Variants in RD3 observed in about 807,000 individuals in gnomAD.
The protein encoded by RD3 is RD3 regulator of GUCY2D.
A neutral mutation model predicts 16.9 loss-of-function variants in RD3; 11 were observed. The observed-to-expected ratio is 0.65, with a 90% CI of 0.41 to 1.08. The LOEUF is 1.08. Among genes scored for constraint, RD3 ranks in the 50% least tolerant of loss-of-function variants. RD3 has a pLI of 0.00. For synonymous variants in RD3, 116 were observed against 114.8 expected, an observed-to-expected ratio of 1.01 and a Z score of -0.07; for missense variants, 274 against 267.4, an observed-to-expected ratio of 1.02 and a Z score of -0.17.
chr1:211,480,400 T>G (rs1383069842), intron 2 of RD3, among the ~76,000 whole-genome samples: 1 of 152,180 alleles, frequency 6.6e-6, no homozygotes, highest in African/African-American at 2.4e-5. Flanking sequence ...GGGAAGATTT[T>G]GGGAGACTAA....
In RD3 at chr1:211,478,196, C is replaced by A. The variant is rs1705182501; in HGVS notation, c.*840G>T. ...AGAAGCTGTTAGGGACTGGCCACAG[C>A]CCATGCGATGACATTGTGGCGTGGG... On this transcript the variant is annotated 3_prime_UTR_variant, in exon 3 of 3. Coordinates refer to ENST00000680073, the MANE Select transcript of RD3 (RefSeq NM_001164688.2). 4 of 398,518 alleles carry A rather than the reference C, an allele frequency of 1.0e-5. No individual in the cohort carries two copies. The highest frequency in any genetic ancestry group is 1.8e-5 in the Non-Finnish European group (4 of 226,092). The allele number at this position is 398,518 out of a possible 1,614,324, so 24.7% of individuals were successfully genotyped here.
At chr1:211,489,430 T>C (rs954749511) in intron 1 of RD3, among the ~76,000 whole-genome samples, 4 of 152,090 alleles carry the variant, frequency 2.6e-5, no homozygotes, top group African/African-American at 9.7e-5. Context: ...CAAAATGCTT[T>C]AAAGTTGTTA....
rs34485370 is a variant in RD3 at position 211,492,048 on chromosome 1, GGTGTGTGTGTGTGTGTGTGTGT to G, written c.-314_-293del. 7.3e-6 allele frequency: 1 copy of G among 137,868 alleles called. No homozygotes were observed. Among genetic ancestry groups the G allele is most frequent in the African/African-American group, 2.7e-5 (1 of 37,000 alleles). 8.5% of individuals were successfully genotyped at this position (137,868 alleles called of 1,614,324 possible). On this transcript the variant is annotated 5_prime_UTR_variant, in exon 1 of 3. The change creates a premature stop within an existing upstream ORF in the 5' untranslated region. Coordinates refer to ENST00000680073, the MANE Select transcript of RD3 (RefSeq NM_001164688.2). ...TGGACTATTGTTTGTGGGGTGTGTA[GGTGTGTGTGTGTGTGTGTGTGT>G]GTGTGTGTGTGTGTGTGTGTGTATG...
At position 211,481,256 on chromosome 1, in the gene RD3, C is replaced by A. The variant is rs752946135; in HGVS notation, c.160G>T (p.Val54Phe). The A allele has an allele frequency of 3.9e-5, 63 of 1,614,148 alleles. No homozygotes were observed. The highest frequency in any genetic ancestry group is 5.1e-5 in the Non-Finnish European group (60 of 1,180,064). Residue 54 changes from valine (V) to phenylalanine (F), a missense_variant, in exon 2 of 3, where the codon GTC becomes TTC. Physicochemically the swap from Val to Phe is conservative, Grantham distance 50. Coordinates refer to ENST00000680073, the MANE Select transcript of RD3 (RefSeq NM_001164688.2). ...CAGCTGTAGTCCACACCGGTGCAGACCTTTCTGACCGCATTGCTGCGCTCC... is the reference window on the plus strand; with the variant it reads ...CAGCTGTAGTCCACACCGGTGCAGAACTTTCTGACCGCATTGCTGCGCTCC... Reference protein sequence around the residue: ...QRERSNAVRKVCTGVDYSWLA... With the variant: ...QRERSNAVRKFCTGVDYSWLA...
intron 1 of RD3, among the ~76,000 whole-genome samples, chr1:211,488,584 G>T (rs1032197198): frequency 4.6e-5 from 7 of 151,004 alleles, no homozygotes; most frequent in Non-Finnish European, 8.8e-5. Flanking sequence ...GCTCTATAGA[G>T]AGGAGACAGA....
chr1:211,486,031 C>T (rs1351195467), intron 1 of RD3, among the ~76,000 whole-genome samples: 2 of 151,406 alleles, frequency 1.3e-5, no homozygotes. Flanking sequence ...GTTCCAACTA[C>T]TCAGGAGGCT....
Position 211,478,952 on chromosome 1 carries a change from A to C in RD3, c.*84T>G. 1 of 1,221,080 alleles carries C rather than the reference A, an allele frequency of 8.2e-7. No homozygotes were observed. Among genetic ancestry groups the C allele is most frequent in the Non-Finnish European group, 1.1e-6 (1 of 926,198 alleles). The allele number at this position is 1,221,080 out of a possible 1,614,324, so 75.6% of individuals were successfully genotyped here. On this transcript the variant is annotated 3_prime_UTR_variant, in exon 3 of 3. Coordinates refer to ENST00000680073, the MANE Select transcript of RD3 (RefSeq NM_001164688.2). The stretch of plus-strand genomic sequence containing the variant: ...GTCTCCTCGTCAGGCCTAGGTGGGG[A>C]GGTTCCAGGGCCCGGCGCTCCGGTC...
At chr1:211,491,556 G>T (rs1168553125) in intron 1 of RD3, among the ~76,000 whole-genome samples, 4 of 152,186 alleles carry the variant, frequency 2.6e-5, no homozygotes, top group African/African-American at 9.7e-5. Flanking sequence ...ACCCTCATCG[G>T]TTCCAACTCC....
chr1:211,490,723 G>A (rs761983425), intron 1 of RD3, among the ~76,000 whole-genome samples: 1 of 152,136 alleles, frequency 6.6e-6, no homozygotes, highest in Non-Finnish European at 1.5e-5. Flanking sequence ...ATATGAGCGG[G>A]CCTGACCTGT....
intron 2 of RD3, 29 bp from the exon 3 acceptor site, chr1:211,479,356 A>T: frequency 6.3e-7 from 1 of 1,585,590 alleles, no homozygotes; most frequent in Non-Finnish European, 8.6e-7. Flanking sequence ...CGCTGGGGAC[A>T]TTCACCCACA....
In RD3 at chr1:211,479,005, G is replaced by C; in HGVS notation, c.*31C>G. 6.4e-7 allele frequency: 1 copy of C among 1,565,926 alleles called. No individual in the cohort carries two copies. Among genetic ancestry groups the C allele is most frequent in the East Asian group, 2.3e-5 (1 of 43,882 alleles). The stretch of plus-strand genomic sequence containing the variant: ...CGGCCTATCATTCCCCCTGCAGAAG[G>C]CTCCGCTTCTGGGCAGGGAAGCGGC... On this transcript the variant is annotated 3_prime_UTR_variant, in exon 3 of 3. Coordinates refer to ENST00000680073, the MANE Select transcript of RD3 (RefSeq NM_001164688.2).
At chr1:211,487,273 C>T (rs1227182258) in intron 1 of RD3, among the ~76,000 whole-genome samples, 19 of 152,202 alleles carry the variant, frequency 1.2e-4, no homozygotes, top group Non-Finnish European at 2.9e-5. Flanking sequence ...GTAATCCTCT[C>T]ACCAGAACTG....
At position 211,485,979 on chromosome 1, in the gene RD3, A is replaced by C. The variant is rs142107060; in HGVS notation, c.-11-4553T>G. Among the ~76,000 whole-genome samples the C allele has an allele frequency of 1.2e-3, 184 of 151,806 alleles. 2 individuals carry two copies. In the East Asian group the frequency reaches 0.033, roughly 27 times the overall value. On this transcript the variant is annotated intron_variant, in intron 1 of 2. Coordinates refer to ENST00000680073, the MANE Select transcript of RD3 (RefSeq NM_001164688.2). ...ACATGGTGAAACTCCGTCTCTACCA[A>C]AAATATAAAAAATTAGCTGGGCGTT...
At chr1:211,480,070 CT>C (rs559886736) in intron 2 of RD3, among the ~76,000 whole-genome samples, 152 of 152,324 alleles carry the variant, frequency 1.0e-3, no homozygotes, top group Non-Finnish European at 1.9e-3. Context: ...TGTACCCAGC[CT>C]TCCCCCTCAC....
intron 1 of RD3, among the ~76,000 whole-genome samples, chr1:211,481,936 G>A (rs1428465101): frequency 6.6e-6 from 1 of 152,136 alleles, no homozygotes. Context: ...GAACTCTATG[G>A]GGTTGGCCAG....
At chr1:211,482,511 C>T (rs749443670) in intron 1 of RD3, among the ~76,000 whole-genome samples, 5 of 151,882 alleles carry the variant, frequency 3.3e-5, no homozygotes, top group East Asian at 1.9e-4. Flanking sequence ...GAGGTGAGTG[C>T]GGGCTTCAGA....
intron 1 of RD3, among the ~76,000 whole-genome samples, chr1:211,489,133 A>G (rs905849780): frequency 7.2e-5 from 11 of 152,354 alleles, no homozygotes; most frequent in African/African-American, 2.4e-4. Context: ...AGTTACTGTG[A>G]AAATCAAATG....
At position 211,481,321 on chromosome 1, in the gene RD3, T is replaced by A. The variant is rs1217522924; in HGVS notation, c.95A>T (p.Glu32Val). ...AEMVLETLMM[E>V]LTGQMREAER... is the part of the protein sequence containing the mutation. The stretch of plus-strand genomic sequence containing the variant: ...AGCCTCTCGCATCTGCCCCGTCAGC[T>A]CCATCATAAGCGTCTCCAGCACCAT... The change falls in exon 2 of 3, where the codon GAG becomes GTG. Residue 32 changes from glutamate (E) to valine (V), a missense_variant. Coordinates refer to ENST00000680073, the MANE Select transcript of RD3 (RefSeq NM_001164688.2). 6.2e-7 allele frequency: 1 copy of A among 1,614,186 alleles called. No individual in the cohort carries two copies. Among genetic ancestry groups the A allele is most frequent in the East Asian group, 2.2e-5 (1 of 44,888 alleles).
At chr1:211,491,146 T>A (rs1230432504) in intron 1 of RD3, among the ~76,000 whole-genome samples, 1 of 152,114 alleles carries the variant, frequency 6.6e-6, no homozygotes, top group Non-Finnish European at 1.5e-5. Flanking sequence ...AGCTGGACTT[T>A]CCTTCTAGGC....
Sources: gnomAD v4.1 joint callset for allele counts (sites outside exome capture counted in the v4.1 genomes callset) on GRCh38, gnomAD v4.1.1 for gene constraint, MANE v1.5 for transcripts, NCBI Gene and HGNC (gene_info 2026-07-23, HGNC 2026-07-21) for gene names.